Variants in UNC5D observed in about 807,000 individuals in gnomAD.
UNC5D encodes netrin receptor UNC5D.
UNC5D carries 39 observed loss-of-function variants against 105.4 expected under a neutral mutation model. The observed-to-expected ratio is 0.37, with a 90% CI of 0.29 to 0.48. The LOEUF is 0.48. Ranked by LOEUF, UNC5D falls within the 20% of genes least tolerant of loss-of-function variation. The pLI is 0.98. For synonymous variants in UNC5D, 452 were observed against 450.4 expected, an observed-to-expected ratio of 1.00 and a Z score of -0.04; for missense variants, 991 against 1,202.4, an observed-to-expected ratio of 0.82 and a Z score of 2.60.
chr8:35,771,845 T>G (rs1185084288), intron 15 of UNC5D, among the ~76,000 whole-genome samples: 1 of 152,202 alleles, frequency 6.6e-6, no homozygotes, highest in Non-Finnish European at 1.5e-5. Flanking sequence ...GATGTCAGAA[T>G]TCTAGTTTCA....
chr8:35,507,173 A>C (rs1230511614), intron 1 of UNC5D, among the ~76,000 whole-genome samples: 1 of 144,770 alleles, frequency 6.9e-6, no homozygotes, highest in Non-Finnish European at 1.5e-5. Flanking sequence ...CTCCTGCCTC[A>C]GCCTCCCAAG....
chr8:35,406,266 GT>G (rs1309041838), intron 1 of UNC5D, among the ~76,000 whole-genome samples: 1 of 152,106 alleles, frequency 6.6e-6, no homozygotes, highest in Non-Finnish European at 1.5e-5. Flanking sequence ...TTGGTAAACT[GT>G]TAACTGTTTT....
chr8:35,319,421 A>G (rs141668992), intron 1 of UNC5D, among the ~76,000 whole-genome samples: 1 of 152,142 alleles, frequency 6.6e-6, no homozygotes, highest in East Asian at 1.9e-4. Flanking sequence ...GGCTGTCTGA[A>G]TCCTTGATCT....
intron 1 of UNC5D, among the ~76,000 whole-genome samples, chr8:35,412,042 A>G (rs1300284818): frequency 6.6e-6 from 1 of 152,062 alleles, no homozygotes; most frequent in African/African-American, 2.4e-5. Context: ...AAGAAAGTGT[A>G]TGTGCTGTTG....
At chr8:35,669,435 A>G (rs112070619) in intron 4 of UNC5D, among the ~76,000 whole-genome samples, 2,055 of 152,282 alleles carry the variant, frequency 0.013, 51 homozygotes, top group African/African-American at 0.046. Context: ...TGTCTAAGTC[A>G]GAAATATGGG....
At chr8:35,747,721 CAAAGACGTG>C (rs1830073914) in intron 11 of UNC5D, among the ~76,000 whole-genome samples, 1 of 152,122 alleles carries the variant, frequency 6.6e-6, no homozygotes, top group South Asian at 2.1e-4. Context: ...AAACAAAAGC[CAAAGACGTG>C]AAAGAGGGAG....
intron 1 of UNC5D, among the ~76,000 whole-genome samples, chr8:35,469,066 T>G (rs913942325): frequency 6.6e-6 from 1 of 152,214 alleles, no homozygotes; most frequent in African/African-American, 2.4e-5. Flanking sequence ...TTATTGCACC[T>G]TCCTCACTAA....
intron 4 of UNC5D, among the ~76,000 whole-genome samples, chr8:35,624,332 G>T (rs893654854): frequency 2.0e-5 from 3 of 152,050 alleles, no homozygotes; most frequent in African/African-American, 7.2e-5. Context: ...ATATCTTTCC[G>T]CACAGTTAGT....
chr8:35,363,972 C>T (rs1308722831), intron 1 of UNC5D, among the ~76,000 whole-genome samples: 1 of 151,934 alleles, frequency 6.6e-6, no homozygotes, highest in Non-Finnish European at 1.5e-5. Flanking sequence ...CGCTTGATGT[C>T]AGGAGTTTGA....
intron 4 of UNC5D, among the ~76,000 whole-genome samples, chr8:35,676,061 T>C (rs1328623848): frequency 1.3e-5 from 2 of 152,232 alleles, no homozygotes; most frequent in East Asian, 3.9e-4. Flanking sequence ...CTCTCCAATC[T>C]GTTTACATCA....
chr8:35,691,403 CTT>C lies in UNC5D; in HGVS notation c.1084+4695_1084+4696del, dbSNP rs534840078. Among the ~76,000 whole-genome samples, 199 of 152,260 alleles carry C rather than the reference CTT, an allele frequency of 1.3e-3. 2 individuals are homozygous for C. The highest frequency in any genetic ancestry group is 0.012 in the South Asian group (60 of 4,814). On this transcript the variant is annotated intron_variant, in intron 7 of 16. Coordinates refer to ENST00000404895, the MANE Select transcript of UNC5D (RefSeq NM_080872.4). ...TTGGGAGGCTGAGGCAGAAGGATCA[CTT>C]GAGCCCAGGAGATCGAGGCTGCAGT... is the stretch of plus-strand genomic sequence containing the variant.
rs889218155 is a variant in UNC5D at position 35,743,576 on chromosome 8, G to A, written c.1767-4951G>A. The stretch of plus-strand genomic sequence containing the variant: ...TTACAGACATGAGCCACCATGCCCA[G>A]CTGCACTCACTTTAAAAAAAAAAAA... On this transcript the variant is annotated intron_variant, in intron 11 of 16. Coordinates refer to ENST00000404895, the MANE Select transcript of UNC5D (RefSeq NM_080872.4). 2.0e-5 allele frequency among the ~76,000 whole-genome samples: 3 copies of A among 151,006 alleles called. No homozygotes were observed. In the East Asian group the frequency reaches 5.8e-4, roughly 29 times the overall value.
chr8:35,711,043 A>C (rs1451291066), intron 8 of UNC5D, among the ~76,000 whole-genome samples: 1 of 124,664 alleles, frequency 8.0e-6, no homozygotes, highest in Non-Finnish European at 1.5e-5. Flanking sequence ...GGTTCACGCC[A>C]TTCTCCTGCC....
At chr8:35,707,833 G>T (rs1056540484) in intron 8 of UNC5D, among the ~76,000 whole-genome samples, 2 of 152,154 alleles carry the variant, frequency 1.3e-5, no homozygotes, top group African/African-American at 4.8e-5. Flanking sequence ...TTTGCTTGGG[G>T]TTCTCGTTCC....
intron 1 of UNC5D, among the ~76,000 whole-genome samples, chr8:35,508,440 CTG>C (rs1314823513): frequency 6.6e-6 from 1 of 152,204 alleles, no homozygotes. Flanking sequence ...AGAAGAAAGA[CTG>C]TATTTCTCTT....
At chr8:35,678,818 TTCTC>T (rs1212955202) in intron 4 of UNC5D, among the ~76,000 whole-genome samples, 4 of 152,164 alleles carry the variant, frequency 2.6e-5, no homozygotes, top group Non-Finnish European at 4.4e-5. Context: ...TTTTGTTCTT[TTCTC>T]TCTCTTTTTT....
At chr8:35,785,875 G>A (rs549450664) in intron 16 of UNC5D, among the ~76,000 whole-genome samples, 3 of 152,228 alleles carry the variant, frequency 2.0e-5, no homozygotes, top group African/African-American at 7.2e-5. Flanking sequence ...CCCTCCTCCA[G>A]TTCCTCATTG....
intron 1 of UNC5D, among the ~76,000 whole-genome samples, chr8:35,238,293 G>A (rs1233691379): frequency 6.6e-6 from 1 of 152,064 alleles, no homozygotes; most frequent in African/African-American, 2.4e-5. Flanking sequence ...GCAAATCAGA[G>A]GGAGATTTCA....
chr8:35,338,737 T>C (rs1249566707), intron 1 of UNC5D, among the ~76,000 whole-genome samples: 1 of 152,180 alleles, frequency 6.6e-6, no homozygotes, highest in Non-Finnish European at 1.5e-5. Context: ...CCCTGCCAGT[T>C]TCCTTCTTCC....
Sources: gnomAD v4.1 joint callset for allele counts (sites outside exome capture counted in the v4.1 genomes callset) on GRCh38, gnomAD v4.1.1 for gene constraint, MANE v1.5 for transcripts, NCBI Gene and HGNC (gene_info 2026-07-23, HGNC 2026-07-21) for gene names.